Variants in CACNA2D3 observed in about 807,000 individuals in gnomAD.
The protein encoded by CACNA2D3 is voltage-dependent calcium channel subunit alpha-2/delta-3.
In CACNA2D3, 60 loss-of-function variants were observed where a neutral mutation model predicts 160.6. The observed-to-expected ratio is 0.37, with a 90% CI of 0.30 to 0.46. CACNA2D3 has a LOEUF of 0.46. Among genes scored for constraint, CACNA2D3 ranks in the 20% least tolerant of loss-of-function variants. The pLI, the probability that CACNA2D3 is intolerant of heterozygous loss-of-function variation, is 1.00. For synonymous variants in CACNA2D3, 558 were observed against 492.9 expected (o/e 1.13, Z -1.75); for missense variants, 1,205 against 1,365.0 (o/e 0.88, Z 1.85).
chr3:54,684,475 T>G (rs1700413184), intron 11 of CACNA2D3, among the ~76,000 whole-genome samples: 1 of 152,168 alleles, frequency 6.6e-6, no homozygotes, highest in Non-Finnish European at 1.5e-5. Context: ...AGCCTTGGCT[T>G]CATTCTGGAT....
chr3:54,653,551 A>T (rs1430093046), intron 11 of CACNA2D3, among the ~76,000 whole-genome samples: 1 of 152,138 alleles, frequency 6.6e-6, no homozygotes, highest in Non-Finnish European at 1.5e-5. Flanking sequence ...CTGGGGTGAG[A>T]GCTCACGCAG....
intron 11 of CACNA2D3, among the ~76,000 whole-genome samples, chr3:54,694,132 T>C (rs1700617773): frequency 6.6e-6 from 1 of 152,222 alleles, no homozygotes; most frequent in South Asian, 2.1e-4. Flanking sequence ...GAGTGCCCTA[T>C]ACAGGAGTTC....
chr3:54,217,115 G>A (rs763512558), intron 2 of CACNA2D3, among the ~76,000 whole-genome samples: 1 of 152,196 alleles, frequency 6.6e-6, no homozygotes. Flanking sequence ...AAGGCACAGT[G>A]TGCAGTGAGC....
chr3:54,897,547 A>G (rs934876663), intron 26 of CACNA2D3, among the ~76,000 whole-genome samples: 23 of 151,818 alleles, frequency 1.5e-4, no homozygotes, highest in African/African-American at 5.6e-4. Context: ...TTGGGTGCTC[A>G]CTCTATACTG....
intron 5 of CACNA2D3, among the ~76,000 whole-genome samples, chr3:54,511,401 C>G (rs145386461): frequency 6.6e-6 from 1 of 151,904 alleles, no homozygotes; most frequent in Non-Finnish European, 1.5e-5. Flanking sequence ...AATAGAAATG[C>G]GCTTCTAAGG....
chr3:54,503,512 G>C lies in CACNA2D3; in HGVS notation c.402G>C (p.Val134=). The C allele has an allele frequency of 6.2e-7, 1 of 1,613,940 alleles. No homozygotes were observed. The highest frequency in any genetic ancestry group is 1.1e-5 in the South Asian group (1 of 91,084). Reference sequence around the variant, plus strand: ...TTCAGTATGAATACTTCAATGCTGTGCTGATAAATGAAAGGGACAAAGACG... The same window carrying C: ...TTCAGTATGAATACTTCAATGCTGTCCTGATAAATGAAAGGGACAAAGACG... ...ADLQYEYFNA[V]LINERDKDGN... The change falls in exon 5 of 38, where the codon GTG becomes GTC. Residue 134 remains valine (V), a synonymous_variant. Coordinates refer to ENST00000474759, the MANE Select transcript of CACNA2D3 (RefSeq NM_018398.3).
chr3:54,335,803 A>G (rs1200362427), intron 3 of CACNA2D3, among the ~76,000 whole-genome samples: 1 of 151,988 alleles, frequency 6.6e-6, no homozygotes, highest in Non-Finnish European at 1.5e-5. Flanking sequence ...CAGGAGATCT[A>G]GACCATCCTG....
intron 4 of CACNA2D3, among the ~76,000 whole-genome samples, chr3:54,448,904 G>C (rs547395846): frequency 6.6e-6 from 1 of 152,316 alleles, no homozygotes; most frequent in South Asian, 2.1e-4. Context: ...TTCATCTTCT[G>C]TTATTTTGTG....
chr3:54,753,827 A>T (rs756279922), intron 12 of CACNA2D3, among the ~76,000 whole-genome samples: 1 of 152,328 alleles, frequency 6.6e-6, no homozygotes, highest in Non-Finnish European at 1.5e-5. Context: ...GACTACATCA[A>T]GGTAATTAAC....
At chr3:54,295,944 T>A (rs775118631) in intron 2 of CACNA2D3, among the ~76,000 whole-genome samples, 5 of 152,200 alleles carry the variant, frequency 3.3e-5, no homozygotes, top group Non-Finnish European at 7.3e-5. Context: ...CATACCTCCC[T>A]TCCCAAGTTC....
chr3:54,898,137 CTTTTT>C (rs767756580), intron 26 of CACNA2D3, among the ~76,000 whole-genome samples: 1 of 128,208 alleles, frequency 7.8e-6, no homozygotes, highest in African/African-American at 3.1e-5. Flanking sequence ...TTTTCTTTTT[CTTTTT>C]TCTTTCTTTC....
chr3:54,630,626 A>G (rs1300025632), intron 10 of CACNA2D3, among the ~76,000 whole-genome samples: 1 of 152,196 alleles, frequency 6.6e-6, no homozygotes, highest in Non-Finnish European at 1.5e-5. Flanking sequence ...TCTCCGTATT[A>G]GCATCTTGTA....
At chr3:54,186,190 G>C (rs1344387714) in intron 2 of CACNA2D3, among the ~76,000 whole-genome samples, 1 of 152,206 alleles carries the variant, frequency 6.6e-6, no homozygotes, top group African/African-American at 2.4e-5. Context: ...CTCACTGTGA[G>C]CTTGGTGAAT....
intron 11 of CACNA2D3, among the ~76,000 whole-genome samples, chr3:54,690,533 T>G (rs17054293): frequency 6.6e-5 from 10 of 151,982 alleles, no homozygotes; most frequent in Non-Finnish European, 1.3e-4. Context: ...CTCATTTGTG[T>G]GAACTGCTTA....
chr3:54,299,441 A>AT (rs562700676), intron 2 of CACNA2D3, among the ~76,000 whole-genome samples: 42 of 152,166 alleles, frequency 2.8e-4, no homozygotes, highest in African/African-American at 9.2e-4. Flanking sequence ...TTCAAAGTTA[A>AT]TTTTCACTTT....
At chr3:54,460,044 T>G (rs1700471053) in intron 4 of CACNA2D3, among the ~76,000 whole-genome samples, 1 of 151,996 alleles carries the variant, frequency 6.6e-6, no homozygotes, top group Admixed American at 6.5e-5. Context: ...CTTTCCCCAT[T>G]GCTTGTTTTT....
intron 4 of CACNA2D3, among the ~76,000 whole-genome samples, chr3:54,450,487 G>A (rs111554521): frequency 7.2e-5 from 11 of 152,210 alleles, no homozygotes; most frequent in African/African-American, 2.6e-4. Flanking sequence ...TTGGAGGTGA[G>A]GCCTAATGGG....
At chr3:54,812,751 C>A (rs1435538900) in intron 13 of CACNA2D3, among the ~76,000 whole-genome samples, 1 of 152,132 alleles carries the variant, frequency 6.6e-6, no homozygotes, top group Non-Finnish European at 1.5e-5. Context: ...AGACGTGGGT[C>A]CACACAGAGC....
chr3:54,568,822 G>T (rs941391186), intron 6 of CACNA2D3, among the ~76,000 whole-genome samples: 5 of 152,180 alleles, frequency 3.3e-5, no homozygotes, highest in African/African-American at 1.2e-4. Context: ...ACTGTCTCAA[G>T]GTTATCTGTG....
Sources: gnomAD v4.1 joint callset for allele counts (sites outside exome capture counted in the v4.1 genomes callset) on GRCh38, gnomAD v4.1.1 for gene constraint, MANE v1.5 for transcripts, NCBI Gene and HGNC (gene_info 2026-07-23, HGNC 2026-07-21) for gene names.